The following ZNF600 variants were observed in gnomAD, a reference collection of about 807,000 sequenced individuals.
ZNF600 encodes the protein zinc finger protein 600, also known as zinc finger protein KR-ZNF1.
In ZNF600, 4 loss-of-function variants were observed where a neutral mutation model predicts 7.3. The ratio of observed to expected loss-of-function variants is 0.55; its 90% confidence interval spans 0.27 to 1.25. The LOEUF is 1.25. Ranked by LOEUF, ZNF600 falls within the 50% of genes most tolerant of loss-of-function variation. The pLI is 0.12. For synonymous variants in ZNF600, 290 were observed against 308.9 expected (o/e 0.94, Z 0.64); for missense variants, 911 against 922.1 (o/e 0.99, Z 0.16).
the ZNF600 span, chr19:52,797,678 TACAA>T: frequency 5.2e-5 from 8 of 154,816 alleles, no homozygotes; most frequent in African/African-American, 7.2e-5. Context: ...CCTTGAAATC[TACAA>T]ACATTGATCA....
the ZNF600 span, among the ~76,000 whole-genome samples, chr19:52,815,231 T>C: frequency 2.1e-5 from 3 of 144,874 alleles, 1 homozygote; most frequent in Non-Finnish European, 4.4e-5. Flanking sequence ...AAATAACTAT[T>C]GGGCCCGGGC....
At chr19:52,791,271 G>A (rs1025658645), upstream of ZNF600, among the ~76,000 whole-genome samples, 1 of 152,192 alleles carries the variant, frequency 6.6e-6, no homozygotes. Flanking sequence ...CTGGGTGTGA[G>A]CCCTTCCCAG....
intron 2 of ZNF600, among the ~76,000 whole-genome samples, chr19:52,777,176 C>T (rs2062682703): frequency 6.6e-6 from 1 of 151,588 alleles, no homozygotes; most frequent in African/African-American, 2.4e-5. Context: ...GTCAGGAGTT[C>T]GACCAGCCTG....
the ZNF600 span, among the ~76,000 whole-genome samples, chr19:52,824,531 A>T: frequency 6.6e-6 from 1 of 152,146 alleles, no homozygotes; most frequent in South Asian, 2.1e-4. Flanking sequence ...GATACTCAAG[A>T]GGATGAGACA....
At chr19:52,809,240 A>G in the ZNF600 span, among the ~76,000 whole-genome samples, 3 of 152,174 alleles carry the variant, frequency 2.0e-5, no homozygotes, top group East Asian at 1.9e-4. Context: ...GAATGTTCAG[A>G]TATCTGTAGT....
chr19:52,828,529 G>A, the ZNF600 span, among the ~76,000 whole-genome samples: 1 of 152,094 alleles, frequency 6.6e-6, no homozygotes, highest in African/African-American at 2.4e-5. Flanking sequence ...TACAACTACA[G>A]TTAAATAACA....
At chr19:52,821,289 A>G in the ZNF600 span, among the ~76,000 whole-genome samples, 5 of 152,150 alleles carry the variant, frequency 3.3e-5, no homozygotes, top group Admixed American at 1.3e-4. Flanking sequence ...CTCTAGGGTG[A>G]GGACTTTAAA....
At chr19:52,774,424 C>T (rs968397481) in intron 3 of ZNF600, among the ~76,000 whole-genome samples, 151 bp downstream of exon 5, 1 of 142,640 alleles carries the variant, frequency 7.0e-6, no homozygotes, top group African/African-American at 2.6e-5. Flanking sequence ...AGCGAAGATC[C>T]ATCTCAAACA....
the ZNF600 span, among the ~76,000 whole-genome samples, chr19:52,829,593 C>T: frequency 2.6e-5 from 4 of 151,858 alleles, no homozygotes; most frequent in South Asian, 2.1e-4. Context: ...AGGCTGGTCT[C>T]GAACTCCTGA....
At chr19:52,821,918 A>T in the ZNF600 span, among the ~76,000 whole-genome samples, 104 of 111,048 alleles carry the variant, frequency 9.4e-4, 1 homozygote, top group Non-Finnish European at 8.5e-4. Context: ...AAAAATAAAA[A>T]AATAAAAAAA....
chr19:52,825,268 A>C, the ZNF600 span, among the ~76,000 whole-genome samples: 1 of 152,166 alleles, frequency 6.6e-6, no homozygotes, highest in Non-Finnish European at 1.5e-5. Context: ...GGAAGGACTC[A>C]CGTGTCTTCA....
chr19:52,798,615 C>T, the ZNF600 span: 1 of 425,266 alleles, frequency 2.4e-6, no homozygotes, highest in Non-Finnish European at 4.9e-6. Flanking sequence ...AGTTTCTCTC[C>T]TGTATGAATC....
At chr19:52,792,968 C>T in the ZNF600 span, among the ~76,000 whole-genome samples, 7 of 151,986 alleles carry the variant, frequency 4.6e-5, no homozygotes, top group East Asian at 7.8e-4. Context: ...GATCTCCTGA[C>T]CTCGTGATCC....
At chr19:52,792,138 C>T in the ZNF600 span, among the ~76,000 whole-genome samples, 2 of 152,224 alleles carry the variant, frequency 1.3e-5, no homozygotes, top group Admixed American at 6.5e-5. Flanking sequence ...CAGCACAGCC[C>T]CACGTTCAGG....
chr19:52,811,016 A>G, the ZNF600 span, among the ~76,000 whole-genome samples: 1 of 136,054 alleles, frequency 7.4e-6, no homozygotes, highest in Non-Finnish European at 1.6e-5. Flanking sequence ...CAGCCTGCCG[A>G]GTGCCTGCGA....
exon 4 of ZNF600, chr19:52,766,398 C>T: frequency 6.2e-7 from 1 of 1,613,708 alleles, no homozygotes; most frequent in Non-Finnish European, 8.5e-7. Flanking sequence ...GGTTGATCCA[C>T]AACTGAAAAC....
At chr19:52,788,189 G>C (rs1274527624), upstream of ZNF600, among the ~76,000 whole-genome samples, 2 of 152,200 alleles carry the variant, frequency 1.3e-5, no homozygotes, top group African/African-American at 2.4e-5. Context: ...TTTAAGTGAA[G>C]ATGACAAGGA....
chr19:52,771,268 A>C (rs2062627995), intron 3 of ZNF600, among the ~76,000 whole-genome samples: 2 of 152,118 alleles, frequency 1.3e-5, no homozygotes, highest in Admixed American at 6.6e-5. Context: ...TCTAGCTGAC[A>C]TCTTGTTCTT....
the ZNF600 span, among the ~76,000 whole-genome samples, chr19:52,830,139 G>A: frequency 1.4e-4 from 21 of 152,126 alleles, no homozygotes; most frequent in African/African-American, 4.8e-4. Flanking sequence ...TGGGTGTGTT[G>A]GTGCATGCCT....
Sources: allele counts gnomAD v4.1 joint callset (sites outside exome capture counted in the v4.1 genomes callset), GRCh38; gene constraint gnomAD v4.1.1; transcripts MANE v1.5; gene names NCBI Gene and HGNC (gene_info 2026-07-23, HGNC 2026-07-21).